ZSCAN5B: variants seen among roughly 807,000 people sequenced by gnomAD.
The protein encoded by ZSCAN5B is zinc finger and SCAN domain containing 5B, also known as zinc finger and SCAN domain-containing protein 5B.
A neutral mutation model predicts 25.2 loss-of-function variants in ZSCAN5B; 26 were observed. That is an observed-to-expected ratio of 1.03 (90% CI 0.76 to 1.43). ZSCAN5B has a LOEUF of 1.43. ZSCAN5B is among the 40% of genes most tolerant of loss of function. ZSCAN5B has a pLI of 0.00. For missense variants in ZSCAN5B, 745 were observed against 622.1 expected (o/e 1.20, Z -2.10); for synonymous variants, 244 against 240.9 (o/e 1.01, Z -0.12).
chr19:56,189,940 G>A (rs764485473), exon 5 of ZSCAN5B: 37 of 1,614,016 alleles, frequency 2.3e-5, no homozygotes, highest in East Asian at 6.7e-5. Flanking sequence ...GAGTGGGTGC[G>A]CTGGTGAACG....
chr19:56,190,693 G>A (rs1183619753), intron 4 of ZSCAN5B, 118 bp from the exon 5 acceptor site: 2 of 1,543,386 alleles, frequency 1.3e-6, no homozygotes, highest in Non-Finnish European at 1.7e-6. Flanking sequence ...TCAAGCCTAA[G>A]ACATTGGACT....
intron 1 of ZSCAN5B, among the ~76,000 whole-genome samples, chr19:56,195,293 C>T (rs113684471): frequency 0.031 from 4,684 of 152,134 alleles, 113 homozygotes; most frequent in African/African-American, 0.061. Context: ...TCCTCCAGAG[C>T]GAGAAAACAC....
exon 5 of ZSCAN5B, chr19:56,190,368 G>T: frequency 2.5e-6 from 4 of 1,614,136 alleles, no homozygotes; most frequent in Non-Finnish European, 3.4e-6. Flanking sequence ...GCCCACAGGT[G>T]TGGCTTCTCC....
At chr19:56,193,062 A>C (rs1047435925) in exon 2 of ZSCAN5B, 1 of 1,534,332 alleles carries the variant, frequency 6.5e-7, no homozygotes, top group African/African-American at 1.4e-5. Context: ...TATCTACTGG[A>C]GAATATTTCA....
chr19:56,197,045 A>G (rs1276858946), intron 1 of ZSCAN5B, among the ~76,000 whole-genome samples: 1 of 152,134 alleles, frequency 6.6e-6, no homozygotes, highest in Non-Finnish European at 1.5e-5. Flanking sequence ...GTGGAGGCCG[A>G]GGAGGGCACA....
At chr19:56,194,048 T>C (rs953909692) in intron 1 of ZSCAN5B, among the ~76,000 whole-genome samples, 5 of 152,116 alleles carry the variant, frequency 3.3e-5, no homozygotes, top group Non-Finnish European at 5.9e-5. Context: ...AATTCATCAC[T>C]TTTACTAAGA....
intron 1 of ZSCAN5B, among the ~76,000 whole-genome samples, chr19:56,193,758 C>T (rs921165910): frequency 3.9e-5 from 6 of 152,084 alleles, no homozygotes; most frequent in Middle Eastern, 3.4e-3. Context: ...GTCAGGAGAT[C>T]GAGACCATCC....
chr19:56,192,816 G>T, exon 2 of ZSCAN5B: 1 of 1,612,912 alleles, frequency 6.2e-7, no homozygotes, highest in Non-Finnish European at 8.5e-7. Flanking sequence ...TCTGCTCTTT[G>T]GTGTGGAGGT....
chr19:56,196,263 G>A (rs905596833), intron 1 of ZSCAN5B, among the ~76,000 whole-genome samples: 1 of 151,992 alleles, frequency 6.6e-6, no homozygotes, highest in African/African-American at 2.4e-5. Flanking sequence ...TGTAGGCCAG[G>A]CTGGTCTCAA....
At chr19:56,197,379 G>A (rs1471730387) in intron 1 of ZSCAN5B, among the ~76,000 whole-genome samples, 1 of 151,798 alleles carries the variant, frequency 6.6e-6, no homozygotes, top group Admixed American at 6.6e-5. Context: ...CGGGTATTAC[G>A]GGCGCCCGCC....
At chr19:56,190,094 G>A (rs759618543) in exon 5 of ZSCAN5B, 12 of 1,614,010 alleles carry the variant, frequency 7.4e-6, no homozygotes, top group East Asian at 4.5e-5. Flanking sequence ...AGGGCCTCTC[G>A]CCAGTGTGGA....
At chr19:56,190,156 G>C (rs1336026289) in exon 5 of ZSCAN5B, 1 of 1,614,060 alleles carries the variant, frequency 6.2e-7, no homozygotes, top group South Asian at 1.1e-5. Context: ...TTCCGACAGA[G>C]ATCACATTGA....
chr19:56,195,697 G>T (rs2032801561), intron 1 of ZSCAN5B, among the ~76,000 whole-genome samples: 1 of 152,186 alleles, frequency 6.6e-6, no homozygotes, highest in Non-Finnish European at 1.5e-5. Context: ...GTGACAGACG[G>T]TGGGAAGGTG....
chr19:56,194,575 G>A (rs766656376), intron 1 of ZSCAN5B, among the ~76,000 whole-genome samples: 4 of 152,216 alleles, frequency 2.6e-5, no homozygotes, highest in Middle Eastern at 3.4e-3. Flanking sequence ...GATTACAGGC[G>A]TGATTGCATT....
At position 56,192,060 on chromosome 19, in the gene ZSCAN5B, A is replaced by G. The variant is rs746659108; in HGVS notation, c.385-7T>C. 3.1e-6 allele frequency: 5 copies of G among 1,606,426 alleles called. No individual in the cohort carries two copies. Among genetic ancestry groups the G allele is most frequent in the Admixed American group, 3.4e-5 (2 of 58,652 alleles). On this transcript the variant is annotated splice_polypyrimidine_tract_variant and splice_region_variant and intron_variant, in intron 2 of 4. Coordinates refer to ENST00000586855, the Ensembl canonical transcript of ZSCAN5B. ...CGAGCAAGTTGACTATAGACTGTAG[A>G]GAGAAAAAAGACAATCAGACACTAT... is the stretch of plus-strand genomic sequence containing the variant.
intron 1 of ZSCAN5B, among the ~76,000 whole-genome samples, chr19:56,197,259 G>A (rs1189631712): frequency 6.6e-6 from 1 of 150,674 alleles, no homozygotes; most frequent in African/African-American, 2.4e-5. Context: ...TGCAACCTCT[G>A]CCTCCTGGGT....
At chr19:56,195,268 A>G (rs1463185341) in intron 1 of ZSCAN5B, among the ~76,000 whole-genome samples, 3 of 152,088 alleles carry the variant, frequency 2.0e-5, no homozygotes, top group Non-Finnish European at 4.4e-5. Flanking sequence ...TGTGCAAAAC[A>G]TAAGCAACTC....
exon 5 of ZSCAN5B, chr19:56,190,570 C>A (rs1347572909): frequency 2.5e-6 from 4 of 1,610,926 alleles, no homozygotes; most frequent in East Asian, 2.2e-5. Flanking sequence ...TTTGCTCTCA[C>A]CAGATCTGGT....
At chr19:56,194,649 G>A (rs11084428) in intron 1 of ZSCAN5B, among the ~76,000 whole-genome samples, 36,459 of 151,932 alleles carry the variant, frequency 0.24, 5,149 homozygotes, top group Non-Finnish European at 0.32. Flanking sequence ...GTGGAGTTTC[G>A]CACTGTTGCC....
Sources: allele counts gnomAD v4.1 joint callset (sites outside exome capture counted in the v4.1 genomes callset), GRCh38; gene constraint gnomAD v4.1.1; transcripts MANE v1.5; gene names NCBI Gene and HGNC (gene_info 2026-07-23, HGNC 2026-07-21).